Variants in RBFOX1 observed in about 807,000 individuals in gnomAD.
The protein encoded by RBFOX1 is RNA binding fox-1 homolog 1.
A neutral mutation model predicts 57.7 loss-of-function variants in RBFOX1; 8 were observed. The ratio of observed to expected loss-of-function variants is 0.14; its 90% CI spans 0.08 to 0.25. The LOEUF is 0.25. Among genes scored for constraint, RBFOX1 ranks in the 10% least tolerant of loss-of-function variants. The pLI, the probability that RBFOX1 is intolerant of heterozygous loss-of-function variation, is 1.00. For synonymous variants in RBFOX1, 326 were observed against 222.4 expected (o/e 1.47, Z -4.15); for missense variants, 611 against 548.5 (o/e 1.11, Z -1.14).
chr16:5,371,330 A>G (rs2065852007), intron 1 of RBFOX1, among the ~76,000 whole-genome samples: 3 of 152,192 alleles, frequency 2.0e-5, no homozygotes. Context: ...GTGTTCTGAT[A>G]AAAAGGGAAG....
At chr16:7,203,719 C>T (rs1339672615) in intron 4 of RBFOX1, among the ~76,000 whole-genome samples, 2 of 151,906 alleles carry the variant, frequency 1.3e-5, no homozygotes, top group Non-Finnish European at 2.9e-5. Flanking sequence ...TTCCATTTCT[C>T]TGTTTCCCTT....
chr16:5,330,183 T>A (rs2151272344), intron 1 of RBFOX1, among the ~76,000 whole-genome samples: 1 of 152,196 alleles, frequency 6.6e-6, no homozygotes, highest in East Asian at 1.9e-4. Flanking sequence ...AACATACACA[T>A]TTTGGGGGGA....
chr16:6,880,472 A>T (rs1261034776), intron 3 of RBFOX1, among the ~76,000 whole-genome samples: 5 of 152,182 alleles, frequency 3.3e-5, no homozygotes, highest in African/African-American at 1.2e-4. Context: ...CATTGGTCCA[A>T]GGTGGACAAA....
Position 5,825,793 on chromosome 16 carries a change from A to ATATTCCTTAATATGAATAAGGAATAT in RBFOX1, c.319-41485_319-41484insTTATTCCTTAATATGAATAAGGAATA, listed in dbSNP as rs1567591945. Among the ~76,000 whole-genome samples, 786 of 121,248 alleles carry ATATTCCTTAATATGAATAAGGAATAT rather than the reference A, an allele frequency of 6.5e-3. 8 individuals carry two copies. Among genetic ancestry groups the ATATTCCTTAATATGAATAAGGAATAT allele is most frequent in the Non-Finnish European group, 0.011 (604 of 56,236 alleles). The allele number at this position is 121,248 out of a possible 152,430, so 79.5% of individuals were successfully genotyped here. On this transcript the variant is annotated intron_variant, in intron 3 of 19. Transcript: ENST00000641259. ...TATTCCTTAATATGAATAAGGAATAATATTCCTTAATATGAATAAGGAATA... is the reference window on the plus strand; with the variant it reads ...TATTCCTTAATATGAATAAGGAATAATATTCCTTAATATGAATAAGGAATATTATTCCTTAATATGAATAAGGAATA...
intron 1 of RBFOX1, among the ~76,000 whole-genome samples, chr16:6,044,232 C>A (rs937933668): frequency 4.6e-5 from 7 of 152,138 alleles, no homozygotes; most frequent in Admixed American, 1.3e-4. Flanking sequence ...GGGACTTAAC[C>A]CCTTGCCAGA....
intron 11 of RBFOX1, 32 bp from the exon 12 acceptor site, chr16:7,653,783 G>GCTCTCTCTCT: frequency 6.6e-7 from 1 of 1,511,664 alleles, no homozygotes; most frequent in South Asian, 1.2e-5. Flanking sequence ...GACAGCCTGT[G>GCTCTCTCTCT]CTCTCTCTCT....
intron 2 of RBFOX1, among the ~76,000 whole-genome samples, chr16:6,450,764 TGTGTATATATATATATATATATATAC>T (rs2094574857): frequency 1.2e-4 from 4 of 33,342 alleles, no homozygotes; most frequent in Admixed American, 5.0e-4. Flanking sequence ...CATATATATA[TGTGTATATATATATATATATATATAC>T]ATATATATAT....
At chr16:5,286,696 T>G (rs2063403556) in intron 1 of RBFOX1, among the ~76,000 whole-genome samples, 1 of 152,178 alleles carries the variant, frequency 6.6e-6, no homozygotes, top group African/African-American at 2.4e-5. Flanking sequence ...AACCTTAGAC[T>G]AGGGAATGGC....
chr16:7,162,527 T>C (rs1393129358), intron 4 of RBFOX1, among the ~76,000 whole-genome samples: 5 of 149,232 alleles, frequency 3.4e-5, no homozygotes, highest in African/African-American at 5.0e-5. Flanking sequence ...GTCAGGAGTT[T>C]GAGACCAGCC....
chr16:6,759,382 C>G (rs1382968392), intron 3 of RBFOX1, among the ~76,000 whole-genome samples: 2 of 151,944 alleles, frequency 1.3e-5, no homozygotes, highest in Non-Finnish European at 2.9e-5. Flanking sequence ...AACTCCTGAC[C>G]TCAGGTGATC....
chr16:7,605,054 G>A (rs1043168096), intron 9 of RBFOX1, among the ~76,000 whole-genome samples: 4 of 152,048 alleles, frequency 2.6e-5, no homozygotes, highest in African/African-American at 9.7e-5. Context: ...TAGAAAGAAA[G>A]AACATTAAAT....
chr16:5,454,793 T>C (rs958691508), intron 1 of RBFOX1, among the ~76,000 whole-genome samples: 14 of 150,010 alleles, frequency 9.3e-5, no homozygotes, highest in African/African-American at 3.2e-4. Flanking sequence ...TTCTTTCTCT[T>C]TCTTTCTTTC....
chr16:6,770,016 A>G (rs1433035002), intron 3 of RBFOX1, among the ~76,000 whole-genome samples: 2 of 152,164 alleles, frequency 1.3e-5, no homozygotes, highest in East Asian at 1.9e-4. Flanking sequence ...GAACACCTCT[A>G]TTCTCAGGAT....
At chr16:7,464,498 C>G (rs1422566076) in intron 4 of RBFOX1, among the ~76,000 whole-genome samples, 2 of 151,116 alleles carry the variant, frequency 1.3e-5, no homozygotes, top group African/African-American at 4.9e-5. Flanking sequence ...TTGGGGTTGC[C>G]AAGGCCTATT....
chr16:7,260,841 G>A (rs918157243), intron 4 of RBFOX1, among the ~76,000 whole-genome samples: 2 of 152,178 alleles, frequency 1.3e-5, no homozygotes, highest in Non-Finnish European at 2.9e-5. Flanking sequence ...AACCCCAGGT[G>A]CAAGAGTTAG....
At chr16:5,307,760 A>C (rs1275096003) in intron 1 of RBFOX1, among the ~76,000 whole-genome samples, 3 of 152,146 alleles carry the variant, frequency 2.0e-5, no homozygotes, top group Non-Finnish European at 4.4e-5. Flanking sequence ...GGCAACCTCA[A>C]AATCCAGGGC....
chr16:7,525,644 C>G (rs1018245561), intron 5 of RBFOX1, among the ~76,000 whole-genome samples: 1 of 152,166 alleles, frequency 6.6e-6, no homozygotes, highest in East Asian at 1.9e-4. Context: ...GGCTTTCCCC[C>G]TCTCTGACAA....
intron 2 of RBFOX1, among the ~76,000 whole-genome samples, chr16:6,346,771 T>A (rs1228750281): frequency 1.3e-5 from 2 of 152,198 alleles, no homozygotes; most frequent in African/African-American, 4.8e-5. Context: ...AACTTCGTAA[T>A]TGAGGCTTGT....
At chr16:6,785,261 C>G (rs1263500146) in intron 3 of RBFOX1, among the ~76,000 whole-genome samples, 2 of 152,090 alleles carry the variant, frequency 1.3e-5, no homozygotes, top group Non-Finnish European at 2.9e-5. Context: ...AGAGTTTATG[C>G]AAAACAAGAA....
Sources: allele counts gnomAD v4.1 joint callset (sites outside exome capture counted in the v4.1 genomes callset), GRCh38; gene constraint gnomAD v4.1.1; transcripts MANE v1.5; gene names NCBI Gene and HGNC (gene_info 2026-07-23, HGNC 2026-07-21).